The following FTO variants were observed in gnomAD, a reference collection of about 807,000 sequenced individuals.
The protein encoded by FTO is alpha-ketoglutarate-dependent dioxygenase FTO.
A neutral mutation model predicts 63.9 loss-of-function variants in FTO; 47 were observed. That is an observed-to-expected ratio of 0.74 (90% confidence interval 0.58 to 0.94). The LOEUF (loss-of-function observed/expected upper bound fraction) is 0.94. Among genes scored for constraint, FTO ranks in the 40% least tolerant of loss-of-function variants. The pLI, the probability that FTO is intolerant of heterozygous loss-of-function variation, is 0.00. For synonymous variants in FTO, 207 were observed against 224.4 expected, an observed-to-expected ratio of 0.92 and a Z score of 0.69; for missense variants, 562 against 618.1, an observed-to-expected ratio of 0.91 and a Z score of 0.96.
At chr16:53,826,905 G>T (rs1442368581) in intron 3 of FTO, among the ~76,000 whole-genome samples, 1 of 152,126 alleles carries the variant, frequency 6.6e-6, no homozygotes, top group African/African-American at 2.4e-5. Flanking sequence ...ATCTTTCCAG[G>T]TTCCCACAGG....
intron 1 of FTO, among the ~76,000 whole-genome samples, chr16:53,809,136 T>C (rs1474437150): frequency 2.0e-5 from 3 of 152,206 alleles, no homozygotes; most frequent in Non-Finnish European, 2.9e-5. Flanking sequence ...TTCAGTTACT[T>C]TGTTTGAATA....
At chr16:53,806,721 G>A (rs868091486) in intron 1 of FTO, among the ~76,000 whole-genome samples, 1 of 152,150 alleles carries the variant, frequency 6.6e-6, no homozygotes, top group Admixed American at 6.5e-5. Flanking sequence ...GTGGTTTTTA[G>A]TGTGATTCCA....
chr16:53,963,921 T>C (rs991479898), intron 8 of FTO, among the ~76,000 whole-genome samples: 1 of 152,156 alleles, frequency 6.6e-6, no homozygotes, highest in Non-Finnish European at 1.5e-5. Flanking sequence ...CCTGGCTAAT[T>C]TTTATATTTT....
intron 1 of FTO, among the ~76,000 whole-genome samples, chr16:53,752,022 TG>T (rs1470813988): frequency 4.6e-5 from 7 of 152,246 alleles, no homozygotes; most frequent in African/African-American, 1.7e-4. Context: ...CTCCATTTTT[TG>T]TACTGGCACA....
At chr16:53,790,076 TAC>T (rs2077867147) in intron 1 of FTO, among the ~76,000 whole-genome samples, 1 of 149,930 alleles carries the variant, frequency 6.7e-6, no homozygotes. Context: ...TTGTAATATA[TAC>T]GTATATATTA....
At chr16:53,831,465 A>AGGG (rs2079143910) in intron 3 of FTO, among the ~76,000 whole-genome samples, 2 of 152,166 alleles carry the variant, frequency 1.3e-5, no homozygotes, top group Non-Finnish European at 2.9e-5. Flanking sequence ...AAGGGGGGGA[A>AGGG]AAAACTTATT....
intron 2 of FTO, among the ~76,000 whole-genome samples, chr16:53,815,751 C>T (rs546630940): frequency 3.4e-5 from 5 of 147,706 alleles, no homozygotes; most frequent in African/African-American, 5.1e-5. Context: ...CAGGTTCAAG[C>T]GATTCTCCTG....
intron 1 of FTO, among the ~76,000 whole-genome samples, chr16:53,742,896 C>CA (rs746598285): frequency 3.9e-5 from 6 of 152,130 alleles, no homozygotes; most frequent in Non-Finnish European, 8.8e-5. Context: ...TTGGAATGGG[C>CA]AGATGGGGAC....
chr16:54,098,837 G>A (rs1340813559), intron 8 of FTO, among the ~76,000 whole-genome samples: 1 of 152,196 alleles, frequency 6.6e-6, no homozygotes, highest in Non-Finnish European at 1.5e-5. Context: ...GATTCTGAGT[G>A]AATGGAATTG....
At chr16:54,072,598 A>C (rs1332441804) in intron 8 of FTO, 4 of 152,408 alleles carry the variant, frequency 2.6e-5, no homozygotes, top group Non-Finnish European at 5.9e-5. Context: ...TCTGCTGTGC[A>C]TCTGAATTTG....
At chr16:54,063,868 C>T (rs1471060570) in intron 8 of FTO, 4 of 151,892 alleles carry the variant, frequency 2.6e-5, no homozygotes, top group Non-Finnish European at 5.9e-5. Flanking sequence ...TGATCAGGAT[C>T]GCTATCGTTA....
intron 8 of FTO, among the ~76,000 whole-genome samples, chr16:54,062,321 G>A (rs536230740): frequency 3.9e-5 from 6 of 152,290 alleles, no homozygotes; most frequent in Middle Eastern, 3.4e-3. Flanking sequence ...AGGCTTGGCC[G>A]TTAACACCTT....
intron 8 of FTO, among the ~76,000 whole-genome samples, chr16:54,096,277 T>G (rs2086514920): frequency 6.6e-6 from 1 of 152,212 alleles, no homozygotes; most frequent in Admixed American, 6.5e-5. Context: ...AGAAAGAGTG[T>G]CATTCATTTC....
chr16:53,765,709 T>C (rs886744094), intron 1 of FTO, among the ~76,000 whole-genome samples: 23 of 152,204 alleles, frequency 1.5e-4, no homozygotes, highest in African/African-American at 5.5e-4. Context: ...CTCCAAAGGA[T>C]GACAAGGGCA....
intron 1 of FTO, among the ~76,000 whole-genome samples, chr16:53,798,336 A>G (rs1024511459): frequency 3.3e-5 from 5 of 152,104 alleles, no homozygotes; most frequent in Non-Finnish European, 7.4e-5. Flanking sequence ...AATTTTTACA[A>G]AAAAAACCTG....
chr16:53,894,337 A>C (rs967486560), intron 7 of FTO, among the ~76,000 whole-genome samples: 3 of 152,192 alleles, frequency 2.0e-5, no homozygotes, highest in African/African-American at 7.2e-5. Context: ...ACATAGTCAT[A>C]GGGAATGACT....
chr16:54,038,710 CCTCT>C (rs2085002342), intron 8 of FTO, among the ~76,000 whole-genome samples: 1 of 152,120 alleles, frequency 6.6e-6, no homozygotes, highest in African/African-American at 2.4e-5. Flanking sequence ...GCACCTCTCC[CCTCT>C]CTCTCTTGTT....
intron 8 of FTO, among the ~76,000 whole-genome samples, chr16:53,961,360 C>G (rs2083077688): frequency 6.6e-6 from 1 of 152,174 alleles, no homozygotes. Flanking sequence ...GTCTCCAGTG[C>G]TGGAGATAAA....
At chr16:53,785,859 G>A (rs11075988) in intron 1 of FTO, among the ~76,000 whole-genome samples, 61,098 of 150,032 alleles carry the variant, frequency 0.41, 12,850 homozygotes, top group African/African-American at 0.48. Context: ...GCAGTTAGCC[G>A]AGATTCCGCC....
Sources: allele counts gnomAD v4.1 joint callset (sites outside exome capture counted in the v4.1 genomes callset), GRCh38; gene constraint gnomAD v4.1.1; transcripts MANE v1.5; gene names NCBI Gene and HGNC (gene_info 2026-07-23, HGNC 2026-07-21).